The following STX8 variants were observed in gnomAD, a reference collection of about 807,000 sequenced individuals.
The protein encoded by STX8 is syntaxin-8.
STX8 carries 23 observed loss-of-function variants against 37.5 expected under a neutral mutation model. The observed-to-expected ratio is 0.61, with a 90% CI of 0.44 to 0.87. The LOEUF is 0.87. Among genes scored for constraint, STX8 ranks in the 40% least tolerant of loss-of-function variants. The probability of loss-of-function intolerance (pLI) is 0.00; values close to 1 mark genes in which losing one functional copy is unlikely to be tolerated. For missense variants in STX8, 313 were observed against 284.7 expected, an observed-to-expected ratio of 1.10 and a Z score of -0.71; for synonymous variants, 115 against 99.1, an observed-to-expected ratio of 1.16 and a Z score of -0.95.
chr17:9,270,912 C>T (rs1265879084), intron 7 of STX8, among the ~76,000 whole-genome samples: 2 of 152,140 alleles, frequency 1.3e-5, no homozygotes, highest in Non-Finnish European at 1.5e-5. Flanking sequence ...TTACCAGATG[C>T]TCATGGGTTC....
chr17:9,454,670 A>ACT (rs71361899), intron 6 of STX8, among the ~76,000 whole-genome samples: 73,373 of 131,006 alleles, frequency 0.56, 19,855 homozygotes, highest in East Asian at 0.73. Context: ...ACAGAGCGAG[A>ACT]CTGTCTCAAA....
At chr17:9,525,117 C>G (rs552166027) in intron 4 of STX8, among the ~76,000 whole-genome samples, 1 of 151,886 alleles carries the variant, frequency 6.6e-6, no homozygotes, top group East Asian at 2.0e-4. Flanking sequence ...CCAACACCCA[C>G]GCTTTTAACT....
At chr17:9,427,268 A>C (rs1198904593) in intron 6 of STX8, among the ~76,000 whole-genome samples, 1 of 152,132 alleles carries the variant, frequency 6.6e-6, no homozygotes, top group Non-Finnish European at 1.5e-5. Flanking sequence ...TCACAGGAGT[A>C]GCAGTCTTGA....
At chr17:9,382,597 A>G (rs894690370) in intron 6 of STX8, among the ~76,000 whole-genome samples, 5 of 152,228 alleles carry the variant, frequency 3.3e-5, no homozygotes, top group African/African-American at 1.2e-4. Flanking sequence ...ATTTTTAAAA[A>G]AAGATGACAC....
At chr17:9,440,259 G>A (rs1268951578) in intron 6 of STX8, among the ~76,000 whole-genome samples, 1 of 152,096 alleles carries the variant, frequency 6.6e-6, no homozygotes, top group Non-Finnish European at 1.5e-5. Context: ...TTTGTTATTA[G>A]TACCATTACC....
rs66679333 is a variant in STX8 at position 9,340,649 on chromosome 17, A to ATTTTTTT, written c.643+37896_643+37902dup. 4.8e-3 allele frequency among the ~76,000 whole-genome samples: 296 copies of ATTTTTTT among 62,066 alleles called. 4 individuals are homozygous for ATTTTTTT. Among genetic ancestry groups the ATTTTTTT allele is most frequent in the Non-Finnish European group, 5.2e-3 (195 of 37,316 alleles). The allele number at this position is 62,066 out of a possible 152,430, so 40.7% of individuals were successfully genotyped here. On this transcript the variant is annotated intron_variant, in intron 7 of 7. Transcript: ENST00000306357. ...CTGTTTCTTATCAATGTTGCACTTGATTTTTTTTTTTTTTTTTTTTTTTTT... is the reference window on the plus strand; with the variant it reads ...CTGTTTCTTATCAATGTTGCACTTGATTTTTTTTTTTTTTTTTTTTTTTTTTTTTTTT...
intron 7 of STX8, among the ~76,000 whole-genome samples, chr17:9,374,137 AGCGGCACGATC>A (rs1251208945): frequency 2.7e-5 from 4 of 149,604 alleles, no homozygotes. Flanking sequence ...GCTGGAGTGC[AGCGGCACGATC>A]GCGGCTCACT....
chr17:9,399,855 G>C (rs1377368823), intron 6 of STX8, among the ~76,000 whole-genome samples: 22 of 131,948 alleles, frequency 1.7e-4, no homozygotes, highest in Admixed American at 1.7e-3. Flanking sequence ...AACAGGGAGA[G>C]ACTCTGTCTC....
At chr17:9,278,846 C>T (rs1482621714) in intron 7 of STX8, among the ~76,000 whole-genome samples, 1 of 151,818 alleles carries the variant, frequency 6.6e-6, no homozygotes, top group Non-Finnish European at 1.5e-5. Context: ...AGACTTGGGC[C>T]CAGAGCTGCT....
chr17:9,508,762 G>A (rs1904931249), intron 4 of STX8, among the ~76,000 whole-genome samples: 1 of 152,214 alleles, frequency 6.6e-6, no homozygotes, highest in Non-Finnish European at 1.5e-5. Context: ...CACTGTAGGT[G>A]TTCCAGAAAG....
intron 2 of STX8, among the ~76,000 whole-genome samples, chr17:9,558,749 G>C (rs1907088251): frequency 1.3e-5 from 2 of 152,100 alleles, no homozygotes; most frequent in Non-Finnish European, 2.9e-5. Context: ...CGTGAACCCT[G>C]GAGGCGGAGC....
At chr17:9,295,984 A>C (rs560440125) in intron 7 of STX8, among the ~76,000 whole-genome samples, 11 of 151,824 alleles carry the variant, frequency 7.2e-5, no homozygotes, top group Non-Finnish European at 1.3e-4. Flanking sequence ...AGGTCAGGAG[A>C]TTGAGACCAT....
At chr17:9,472,614 T>C (rs374050418) in intron 6 of STX8, among the ~76,000 whole-genome samples, 2 of 152,358 alleles carry the variant, frequency 1.3e-5, no homozygotes, top group East Asian at 1.9e-4. Flanking sequence ...CTTTGGCCTC[T>C]CTTTTTGGCT....
intron 7 of STX8, among the ~76,000 whole-genome samples, chr17:9,373,521 T>A (rs1483461081): frequency 5.3e-5 from 8 of 152,146 alleles, no homozygotes; most frequent in African/African-American, 1.4e-4. Context: ...ATACATATGA[T>A]CCCGCTTACA....
At chr17:9,509,064 T>C (rs1275600147) in intron 4 of STX8, among the ~76,000 whole-genome samples, 1 of 152,148 alleles carries the variant, frequency 6.6e-6, no homozygotes, top group Non-Finnish European at 1.5e-5. Flanking sequence ...CTGGCCAACA[T>C]GGTGAAACTC....
chr17:9,371,693 A>G (rs575080771), intron 7 of STX8, among the ~76,000 whole-genome samples: 1 of 150,766 alleles, frequency 6.6e-6, no homozygotes, highest in South Asian at 2.1e-4. Flanking sequence ...TTCTGCTGAT[A>G]CCAAATATGT....
At chr17:9,275,435 C>T (rs1039035561) in intron 7 of STX8, among the ~76,000 whole-genome samples, 1 of 152,190 alleles carries the variant, frequency 6.6e-6, no homozygotes, top group African/African-American at 2.4e-5. Flanking sequence ...ACTATTCCCA[C>T]CCTTACCTAT....
intron 6 of STX8, among the ~76,000 whole-genome samples, chr17:9,441,031 T>C (rs1904630684): frequency 6.6e-6 from 1 of 152,284 alleles, no homozygotes; most frequent in South Asian, 2.1e-4. Flanking sequence ...CTTTCTCACA[T>C]GCTTCCTTCA....
intron 7 of STX8, among the ~76,000 whole-genome samples, chr17:9,370,164 G>A (rs1159781297): frequency 6.6e-6 from 1 of 151,730 alleles, no homozygotes; most frequent in African/African-American, 2.4e-5. Flanking sequence ...GCAGTGAGCC[G>A]AGATCACACC....
Sources: gnomAD v4.1 joint callset for allele counts (sites outside exome capture counted in the v4.1 genomes callset) on GRCh38, gnomAD v4.1.1 for gene constraint, MANE v1.5 for transcripts, NCBI Gene and HGNC (gene_info 2026-07-23, HGNC 2026-07-21) for gene names.